The following TRIM72 variants were observed in gnomAD, a reference collection of about 807,000 sequenced individuals.
TRIM72 encodes tripartite motif containing 72.
A neutral mutation model predicts 31.6 loss-of-function variants in TRIM72; 33 were observed. That is an observed-to-expected ratio of 1.04 (90% CI 0.79 to 1.40). The LOEUF is 1.40. Ranked by LOEUF, TRIM72 falls within the 40% of genes most tolerant of loss-of-function variation. TRIM72 has a pLI of 0.00. For missense variants in TRIM72, 666 were observed against 682.7 expected (o/e 0.98, Z 0.27); for synonymous variants, 301 against 314.4 (o/e 0.96, Z 0.45).
In TRIM72 at chr16:31,215,262, C is replaced by T; in HGVS notation, c.390+134C>T. ...CTCCTGGAGTTGCGGGGGGCGGGGGCGGGGCGAAGCAGCCAGGAAAGAGGG... is the reference window on the plus strand; with the variant it reads ...CTCCTGGAGTTGCGGGGGGCGGGGGTGGGGCGAAGCAGCCAGGAAAGAGGG... On this transcript the variant is annotated intron_variant, in intron 2 of 6. Coordinates refer to ENST00000322122, the MANE Select transcript of TRIM72 (RefSeq NM_001008274.4). This position sits in a 1 kb window ranked among gnomAD's most constrained non-coding sequence, Gnocchi z 6.3. 8.9e-7 allele frequency: 1 copy of T among 1,117,716 alleles called. No homozygotes were observed. Among genetic ancestry groups the T allele is most frequent in the Non-Finnish European group, 1.2e-6 (1 of 861,338 alleles). The allele number at this position is 1,117,716 out of a possible 1,614,324, so 69.2% of individuals were successfully genotyped here. A position where few individuals can be genotyped will look rare whatever the true frequency, so the allele number is the denominator to read the frequency against.
intron 4 of TRIM72, among the ~76,000 whole-genome samples, chr16:31,220,414 G>A (rs1405457892): frequency 7.1e-6 from 1 of 141,186 alleles, no homozygotes; most frequent in African/African-American, 2.6e-5. Flanking sequence ...CCACATAAAA[G>A]TGAAGGGGTA....
In TRIM72 at chr16:31,219,264, T is replaced by A. The variant is rs771186287; in HGVS notation, c.487-25T>A. Reference sequence around the variant, plus strand: ...GTCTCCAGCCAAGAGTCTTTATCCCTTCAATCACTGCCCCATCCCTGCAGG... The same window carrying A: ...GTCTCCAGCCAAGAGTCTTTATCCCATCAATCACTGCCCCATCCCTGCAGG... On this transcript the variant is annotated intron_variant, in intron 3 of 6. Transcript: ENST00000322122. This position sits in a 1 kb window ranked among gnomAD's most constrained non-coding sequence, Gnocchi z 4.2. 17 of 1,614,148 alleles carry A rather than the reference T, an allele frequency of 1.1e-5. No homozygotes were observed. The South Asian group carries it at 1.8e-4, about 17-fold the overall frequency.
In TRIM72 at chr16:31,224,590, C is replaced by CCT; in HGVS notation, c.1273_1274dup (p.Phe426ProfsTer59). Reference sequence around the variant, plus strand: ...TTTACCTGAGCTTCGGCGACGGCGTCCTCTCCTTCTACGATGCCAGCGACG... The same window carrying CCT: ...TTTACCTGAGCTTCGGCGACGGCGTCCTCTCTCCTTCTACGATGCCAGCGACG... On this transcript the variant is annotated frameshift_variant, in exon 7 of 7. Transcript: ENST00000322122. LOFTEE classifies it high-confidence loss of function. 6.4e-7 allele frequency: 1 copy of CCT among 1,555,806 alleles called. No homozygotes were observed. The highest frequency in any genetic ancestry group is 8.6e-7 in the Non-Finnish European group (1 of 1,156,348).
chr16:31,215,254 G>T lies in TRIM72; in HGVS notation c.390+126G>T. ...CTCACGAGCTCCTGGAGTTGCGGGG[G>T]GCGGGGGCGGGGCGAAGCAGCCAGG... On this transcript the variant is annotated intron_variant, in intron 2 of 6. Coordinates refer to ENST00000322122, the MANE Select transcript of TRIM72 (RefSeq NM_001008274.4). This position sits in a 1 kb window ranked among gnomAD's most constrained non-coding sequence, Gnocchi z 6.3. 7.6e-7 allele frequency: 1 copy of T among 1,309,846 alleles called. No individual in the cohort carries two copies. Among genetic ancestry groups the T allele is most frequent in the African/African-American group, 1.5e-5 (1 of 64,530 alleles). The allele number at this position is 1,309,846 out of a possible 1,614,324, so 81.1% of individuals were successfully genotyped here.
chr16:31,223,348 G>A (rs1032572273), intron 6 of TRIM72, among the ~76,000 whole-genome samples: 2 of 152,092 alleles, frequency 1.3e-5, no homozygotes, highest in Non-Finnish European at 2.9e-5. Context: ...TGACTCTGGC[G>A]GCCTGTGGCT....
Position 31,216,609 on chromosome 16 carries a change from C to A in TRIM72, c.390+1481C>A. Reference sequence around the variant, plus strand: ...TCGCGGCAGCCCAGCCCTTCGCCCCCGGGAGGGGCTGGCCGGAGGTCTGAG... The same window carrying A: ...TCGCGGCAGCCCAGCCCTTCGCCCCAGGGAGGGGCTGGCCGGAGGTCTGAG... On this transcript the variant is annotated intron_variant, in intron 2 of 6. Coordinates refer to ENST00000322122, the MANE Select transcript of TRIM72 (RefSeq NM_001008274.4). This position sits in a 1 kb window ranked among gnomAD's most constrained non-coding sequence, Gnocchi z 6.7. The A allele has an allele frequency of 1.0e-6, 1 of 956,886 alleles. No homozygotes were observed. Among genetic ancestry groups the A allele is most frequent in the Non-Finnish European group, 1.5e-6 (1 of 646,060 alleles). 59.3% of individuals were successfully genotyped at this position (956,886 alleles called of 1,614,324 possible). A position where few individuals can be genotyped will look rare whatever the true frequency, so the allele number is the denominator to read the frequency against.
Position 31,216,894 on chromosome 16 carries a change from CCCGAGCGCGCCCCGCGGGAT to C in TRIM72, c.390+1767_390+1786del, listed in dbSNP as rs778023939. 62 of 1,614,046 alleles carry C rather than the reference CCCGAGCGCGCCCCGCGGGAT, an allele frequency of 3.8e-5. No homozygotes were observed. In the East Asian group the frequency reaches 1.4e-3, roughly 36 times the overall value. On this transcript the variant is annotated intron_variant, in intron 2 of 6. Transcript: ENST00000322122. This position sits in a 1 kb window ranked among gnomAD's most constrained non-coding sequence, Gnocchi z 6.7. Reference sequence around the variant, plus strand: ...CGGTGAGGTCCACGATATCTAGCTGCCCGAGCGCGCCCCGCGGGATGCGCTCAAAGCCCTCGCGCAGCGGC... The same window carrying C: ...CGGTGAGGTCCACGATATCTAGCTGCGCGCTCAAAGCCCTCGCGCAGCGGC...
chr16:31,222,055 G>A (rs534936532), intron 5 of TRIM72, among the ~76,000 whole-genome samples: 4 of 152,292 alleles, frequency 2.6e-5, no homozygotes, highest in African/African-American at 9.6e-5. Flanking sequence ...GCACACTGGC[G>A]AAGCTGAGAG....
At position 31,219,435 on chromosome 16, in the gene TRIM72, C is replaced by T. The variant is rs758751031; in HGVS notation, c.633C>T (p.Ser211=). The part of the protein sequence containing the change: ...AGVALRRELG[S]LNSYLEQLRQ... ...TCGCCTTGCGCCGGGAGCTGGGGAG[C>T]CTGAACTCTTACCTGGAGCAGCTGC... Residue 211 remains serine (S), a synonymous_variant, in exon 4 of 7, where the codon AGC becomes AGT. Coordinates refer to ENST00000322122, the MANE Select transcript of TRIM72 (RefSeq NM_001008274.4). The surrounding 1 kb of genome is among the most constrained non-coding windows in gnomAD (Gnocchi z 4.2). 6 of 1,612,830 alleles carry T rather than the reference C, an allele frequency of 3.7e-6. No homozygotes were observed. The Admixed American group carries it at 6.7e-5, about 18-fold the overall frequency.
chr16:31,221,380 T>TGGGGAGAAGGGCATTGC (rs2079532638), intron 5 of TRIM72, among the ~76,000 whole-genome samples: 1 of 124,094 alleles, frequency 8.1e-6, no homozygotes, highest in Admixed American at 8.2e-5. Context: ...AAGGGCATTA[T>TGGGGAGAAGGGCATTGC]GGGGAGAAGG....
chr16:31,214,654 C>G (rs929929586), intron 1 of TRIM72, 78 bp from the exon 2 acceptor site: 4 of 1,366,158 alleles, frequency 2.9e-6, no homozygotes, highest in Non-Finnish European at 3.8e-6. Flanking sequence ...CGGGCCCGGC[C>G]TGGGCTAGGG....
Position 31,216,809 on chromosome 16 carries a change from G to A in TRIM72, c.390+1681G>A, listed in dbSNP as rs377601641. On this transcript the variant is annotated intron_variant, in intron 2 of 6. Transcript: ENST00000322122. The surrounding 1 kb of genome is among the most constrained non-coding windows in gnomAD (Gnocchi z 6.7). Reference sequence around the variant, plus strand: ...GCCTCCTCCAACATGCGCATGTCGCGCAGCACGGCCACGACGAGCTCGGCT... The same window carrying A: ...GCCTCCTCCAACATGCGCATGTCGCACAGCACGGCCACGACGAGCTCGGCT... 13 of 1,611,578 alleles carry A rather than the reference G, an allele frequency of 8.1e-6. No homozygotes were observed. The highest frequency in any genetic ancestry group is 1.1e-5 in the Non-Finnish European group (13 of 1,178,430).
chr16:31,216,538 A>G lies in TRIM72; in HGVS notation c.390+1410A>G, dbSNP rs1490918545. Among the ~76,000 whole-genome samples, 1 of 152,210 alleles carries G rather than the reference A, an allele frequency of 6.6e-6. No individual in the cohort carries two copies. The highest frequency in any genetic ancestry group is 1.9e-4 in the East Asian group (1 of 5,192). ...AAACGGAACAGGGCCCAGGCAGCCC[A>G]GGAGCCTGGAAGGGGGCAGTGGGGC... On this transcript the variant is annotated intron_variant, in intron 2 of 6. Transcript: ENST00000322122. This position sits in a 1 kb window ranked among gnomAD's most constrained non-coding sequence, Gnocchi z 6.7.
In TRIM72 at chr16:31,224,320, G is replaced by A; in HGVS notation, c.999G>A (p.Ala333=). 6.3e-7 allele frequency: 1 copy of A among 1,597,122 alleles called. No homozygotes were observed. Among genetic ancestry groups the A allele is most frequent in the Non-Finnish European group, 8.5e-7 (1 of 1,174,912 alleles). ...CGCGCCAGTTCGACAAGGCGGTGGC[G>A]GTGGTGGCGCACCAGCAGCTCTCCG... The part of the protein sequence containing the change: ...EDPRQFDKAV[A]VVAHQQLSEG... The change falls in exon 7 of 7, where the codon GCG becomes GCA. Residue 333 remains alanine (A), a synonymous_variant. Transcript: ENST00000322122.
rs1386183822 is a variant in TRIM72 at position 31,228,322 on chromosome 16, A to G, written c.*3567A>G. Reference sequence around the variant, plus strand: ...GGCAAATATTGAAAGATAAAACCACATAACAAAAGCTCTTTGGGATCCTAG... The same window carrying G: ...GGCAAATATTGAAAGATAAAACCACGTAACAAAAGCTCTTTGGGATCCTAG... On this transcript the variant is annotated 3_prime_UTR_variant, in exon 7 of 7. Transcript: ENST00000322122. The G allele has an allele frequency of 6.6e-6, 1 of 152,258 alleles. No homozygotes were observed. The highest frequency in any genetic ancestry group is 1.5e-5 in the Non-Finnish European group (1 of 68,092). 9.4% of individuals were successfully genotyped at this position (152,258 alleles called of 1,614,324 possible).
At chr16:31,222,680 T>C (rs2079539201) in intron 5 of TRIM72, 147 bp from the exon 6 acceptor site, 4 of 560,628 alleles carry the variant, frequency 7.1e-6, no homozygotes, top group Non-Finnish European at 1.3e-5. Context: ...ATCACCAGTG[T>C]TTATCTCCAG....
chr16:31,228,573 T>TC lies in TRIM72; in HGVS notation c.*3818_*3819insC, dbSNP rs2079561149. ...CTGCTGGGGTCTCTGCACCTCCTTT[T>TC]TTTTTTTTTTTTTTTTGAGATGCAG... is the stretch of plus-strand genomic sequence containing the variant. On this transcript the variant is annotated 3_prime_UTR_variant, in exon 7 of 7. Transcript: ENST00000322122. The TC allele has an allele frequency of 6.6e-6, 1 of 151,998 alleles. No homozygotes were observed. Among genetic ancestry groups the TC allele is most frequent in the East Asian group, 1.9e-4 (1 of 5,236 alleles). The allele number at this position is 151,998 out of a possible 1,614,324, so 9.4% of individuals were successfully genotyped here.
Position 31,216,436 on chromosome 16 carries a change from A to AC in TRIM72, c.390+1308_390+1309insC. ...CTTGCTGCCGCTAAAAAAAAAACAA[A>AC]AAACAAACAAACAAAAAAAACCCAA... On this transcript the variant is annotated intron_variant, in intron 2 of 6. Coordinates refer to ENST00000322122, the MANE Select transcript of TRIM72 (RefSeq NM_001008274.4). The surrounding 1 kb of genome is among the most constrained non-coding windows in gnomAD (Gnocchi z 6.7). The AC allele has an allele frequency of 2.8e-6, 1 of 352,824 alleles. No homozygotes were observed. The highest frequency in any genetic ancestry group is 5.1e-6 in the Non-Finnish European group (1 of 194,996). 21.9% of individuals were successfully genotyped at this position (352,824 alleles called of 1,614,324 possible). A position where few individuals can be genotyped will look rare whatever the true frequency, so the allele number is the denominator to read the frequency against.
At chr16:31,218,140 G>A (rs1405676358) in intron 2 of TRIM72, among the ~76,000 whole-genome samples, 2 of 152,112 alleles carry the variant, frequency 1.3e-5, no homozygotes, top group Non-Finnish European at 2.9e-5. Flanking sequence ...CTGTCTGGTG[G>A]GAGAGACCAA....
Sources: allele counts gnomAD v4.1 joint callset (sites outside exome capture counted in the v4.1 genomes callset), GRCh38; gene constraint gnomAD v4.1.1; non-coding constraint Gnocchi (gnomAD v3.1); transcripts MANE v1.5; gene names NCBI Gene and HGNC (gene_info 2026-07-23, HGNC 2026-07-21).